Variants in PRR5 observed in about 807,000 individuals in gnomAD.
The protein encoded by PRR5 is proline rich 5.
PRR5 carries 25 observed loss-of-function variants against 30.6 expected under a neutral mutation model. The ratio of observed to expected loss-of-function variants is 0.82; its 90% CI spans 0.60 to 1.14. PRR5 has a LOEUF of 1.14. Among genes scored for constraint, PRR5 ranks in the 50% most tolerant of loss-of-function variants. The probability of loss-of-function intolerance (pLI) is 0.00; values close to 1 mark genes in which losing one functional copy is unlikely to be tolerated. For synonymous variants in PRR5, 286 were observed against 247.1 expected (o/e 1.16, Z -1.48); for missense variants, 600 against 547.1 (o/e 1.10, Z -0.96).
At chr22:44,707,999 A>T (rs113972865) in intron 1 of PRR5, among the ~76,000 whole-genome samples, 12 of 152,190 alleles carry the variant, frequency 7.9e-5, no homozygotes, top group African/African-American at 2.9e-4. Flanking sequence ...ACTCCACACA[A>T]ATCCACCTCC....
At chr22:44,734,049 A>C (rs1922734672) in intron 6 of PRR5, 1 of 152,246 alleles carries the variant, frequency 6.6e-6, no homozygotes, top group Admixed American at 6.5e-5. Flanking sequence ...CAAGGCAGGC[A>C]GATCACAAGG....
At chr22:44,703,311 G>C (rs930030733) in intron 1 of PRR5, among the ~76,000 whole-genome samples, 2 of 141,498 alleles carry the variant, frequency 1.4e-5, no homozygotes, top group African/African-American at 5.0e-5. Flanking sequence ...GGCTGTTCGC[G>C]GGAGGCAGTG....
At chr22:44,705,651 A>T (rs924447400) in intron 1 of PRR5, among the ~76,000 whole-genome samples, 5 of 146,688 alleles carry the variant, frequency 3.4e-5, no homozygotes, top group Non-Finnish European at 6.0e-5. Context: ...TTGAGACGGA[A>T]TCTTGCTCTG....
At chr22:44,733,552 A>G (rs1179887068) in intron 6 of PRR5, among the ~76,000 whole-genome samples, 2 of 152,092 alleles carry the variant, frequency 1.3e-5, no homozygotes, top group African/African-American at 2.4e-5. Context: ...GGAAGTTGAG[A>G]GAGTTTAGGT....
rs1923518922 is a variant in PRR5 at position 44,737,601 on chromosome 22, C to T, written c.*354C>T. ...CTGCCCACGCCGGGCCCCAAAGTGA[C>T]CAGACTCCAGCACACCTGTCTCCTC... On this transcript the variant is annotated 3_prime_UTR_variant, in exon 8 of 8. Transcript: ENST00000336985. The T allele has an allele frequency of 8.1e-6, 2 of 246,816 alleles. No homozygotes were observed. Among genetic ancestry groups the T allele is most frequent in the Admixed American group, 4.9e-5 (1 of 20,322 alleles). 15.3% of individuals were successfully genotyped at this position (246,816 alleles called of 1,614,324 possible).
At chr22:44,714,721 C>A (rs1392624634) in intron 2 of PRR5, 50 bp downstream of exon 2, 2 of 1,606,242 alleles carry the variant, frequency 1.2e-6, no homozygotes, top group African/African-American at 2.7e-5. Flanking sequence ...GCAGGGAGGG[C>A]TAGGCCCAGA....
At chr22:44,705,551 C>T (rs1185073943) in intron 1 of PRR5, among the ~76,000 whole-genome samples, 1 of 152,074 alleles carries the variant, frequency 6.6e-6, no homozygotes. Context: ...TCTCTAACTC[C>T]TGACCTCAGG....
chr22:44,730,377 C>T, intron 4 of PRR5: 8 of 985,004 alleles, frequency 8.1e-6, no homozygotes, highest in Non-Finnish European at 9.6e-6. Context: ...GGGGACACGT[C>T]CTTGGACTGT....
intron 1 of PRR5, among the ~76,000 whole-genome samples, chr22:44,682,025 G>A (rs1402749294): frequency 6.6e-6 from 1 of 152,224 alleles, no homozygotes; most frequent in Non-Finnish European, 1.5e-5. Flanking sequence ...AGCACAGAGG[G>A]AACCTGCTCC....
intron 6 of PRR5, among the ~76,000 whole-genome samples, chr22:44,732,736 C>T (rs1453465134): frequency 1.3e-5 from 2 of 149,962 alleles, no homozygotes; most frequent in East Asian, 2.0e-4. Flanking sequence ...CATGCATACA[C>T]ACCACACACG....
At chr22:44,725,133 G>T in intron 2 of PRR5, 111 bp from the exon 3 acceptor site, 2 of 1,506,942 alleles carry the variant, frequency 1.3e-6, no homozygotes, top group South Asian at 1.2e-5. Context: ...TTTTGGGCTG[G>T]CTGAGCATGC....
At chr22:44,702,756 G>A in intron 1 of PRR5, 148 bp downstream of exon 1, 1 of 1,168,342 alleles carries the variant, frequency 8.6e-7, no homozygotes, top group Middle Eastern at 3.3e-4. Context: ...TTGCCCCGCC[G>A]GAGTGGTGCG....
chr22:44,706,855 A>T (rs1927287453), intron 1 of PRR5, among the ~76,000 whole-genome samples: 1 of 91,338 alleles, frequency 1.1e-5, no homozygotes, highest in Non-Finnish European at 2.5e-5. Context: ...GGAGCTATGG[A>T]TGCCCGGCTG....
Position 44,735,005 on chromosome 22 carries a change from C to T in PRR5, c.556-22C>T, listed in dbSNP as rs967020219. 6 of 1,608,036 alleles carry T rather than the reference C, an allele frequency of 3.7e-6. No homozygotes were observed. The African/African-American group carries it at 8.0e-5, about 21-fold the overall frequency. Reference sequence around the variant, plus strand: ...CAAGCTCGGGTGCATGACCCCCTACCCCCTGCCCCACTCTCCTGCAGGGGG... The same window carrying T: ...CAAGCTCGGGTGCATGACCCCCTACTCCCTGCCCCACTCTCCTGCAGGGGG... On this transcript the variant is annotated intron_variant, in intron 6 of 7. Coordinates refer to ENST00000336985, the MANE Select transcript of PRR5 (RefSeq NM_181333.4).
chr22:44,710,293 C>CG (rs963572698), intron 1 of PRR5, among the ~76,000 whole-genome samples: 4 of 152,036 alleles, frequency 2.6e-5, no homozygotes, highest in African/African-American at 7.2e-5. Flanking sequence ...GCACCCCCCC[C>CG]CCAGCGCTCA....
intron 6 of PRR5, among the ~76,000 whole-genome samples, chr22:44,733,381 C>G (rs971399210): frequency 6.6e-6 from 1 of 152,234 alleles, no homozygotes; most frequent in Non-Finnish European, 1.5e-5. Context: ...CCCAGCTTCA[C>G]CCCGGCTCTC....
intron 2 of PRR5, among the ~76,000 whole-genome samples, chr22:44,717,654 C>T (rs113108425): frequency 0.015 from 2,222 of 151,796 alleles, 58 homozygotes; most frequent in African/African-American, 0.05. Context: ...TCACGCCTGG[C>T]TTCTCTCACT....
At chr22:44,720,453 T>C (rs926702065) in intron 2 of PRR5, among the ~76,000 whole-genome samples, 5 of 152,122 alleles carry the variant, frequency 3.3e-5, no homozygotes, top group Admixed American at 2.6e-4. Flanking sequence ...GTTCCCATCT[T>C]GTAGGGCTTT....
chr22:44,731,028 G>A (rs556482401), intron 4 of PRR5: 14 of 332,220 alleles, frequency 4.2e-5, no homozygotes, highest in Non-Finnish European at 1.3e-5. Context: ...GTTTGTTGGA[G>A]GGGCAGATAG....
Sources: allele counts gnomAD v4.1 joint callset (sites outside exome capture counted in the v4.1 genomes callset), GRCh38; gene constraint gnomAD v4.1.1; transcripts MANE v1.5; gene names NCBI Gene and HGNC (gene_info 2026-07-23, HGNC 2026-07-21).